Variants in STK3 observed in about 807,000 individuals in gnomAD.
STK3 encodes serine/threonine-protein kinase 3.
Under a neutral mutation model 58.0 loss-of-function variants are expected in STK3, and 41 were observed. The observed-to-expected ratio is 0.71, with a 90% CI of 0.55 to 0.92. The LOEUF (loss-of-function observed/expected upper bound fraction) is 0.92, where lower values mean the gene tolerates loss of function less well. Ranked by LOEUF, STK3 falls within the 40% of genes least tolerant of loss-of-function variation. The pLI is 0.00. For synonymous variants in STK3, 170 were observed against 191.0 expected (o/e 0.89, Z 0.91); for missense variants, 479 against 602.7 (o/e 0.79, Z 2.15).
chr8:98,774,621 T>A, intron 2 of STK3, 118 bp downstream of exon 2: 1 of 645,888 alleles, frequency 1.5e-6, no homozygotes, highest in Non-Finnish European at 2.4e-6. Flanking sequence ...CCAAGTTTAA[T>A]TACTATTAAA....
intron 1 of STK3, among the ~76,000 whole-genome samples, chr8:98,931,457 C>T (rs1840001304): frequency 6.6e-6 from 1 of 152,202 alleles, no homozygotes; most frequent in Non-Finnish European, 1.5e-5. Context: ...CCGGCCTGCG[C>T]CAGCCTGATC....
chr8:98,672,531 TAAAC>T (rs1010575261), intron 6 of STK3, among the ~76,000 whole-genome samples: 1 of 152,204 alleles, frequency 6.6e-6, no homozygotes, highest in Non-Finnish European at 1.5e-5. Context: ...GCTAATTACT[TAAAC>T]AACATCACCA....
At chr8:98,667,824 C>T (rs1229305671) in intron 6 of STK3, among the ~76,000 whole-genome samples, 1 of 151,942 alleles carries the variant, frequency 6.6e-6, no homozygotes, top group African/African-American at 2.4e-5. Context: ...GAACTACAAT[C>T]TTCAATGTTA....
chr8:98,379,935 G>A (rs577146458), intron 1 of STK3, among the ~76,000 whole-genome samples: 2 of 152,284 alleles, frequency 1.3e-5, no homozygotes, highest in East Asian at 1.9e-4. Flanking sequence ...AGAAAATGTG[G>A]TAATTACATA....
intron 4 of STK3, among the ~76,000 whole-genome samples, chr8:98,708,422 C>T (rs1301520592): frequency 6.6e-6 from 1 of 152,122 alleles, no homozygotes; most frequent in Non-Finnish European, 1.5e-5. Flanking sequence ...AATGCCACTC[C>T]TAACCCTTCC....
At chr8:98,665,707 A>ATT (rs373663162) in intron 6 of STK3, among the ~76,000 whole-genome samples, 25,991 of 138,764 alleles carry the variant, frequency 0.19, 3,015 homozygotes, top group East Asian at 0.43. Flanking sequence ...ACCCATCCTG[A>ATT]TTTTTTTTTT....
intron 6 of STK3, among the ~76,000 whole-genome samples, chr8:98,694,960 C>A (rs887275298): frequency 2.0e-5 from 3 of 152,186 alleles, no homozygotes; most frequent in Admixed American, 1.3e-4. Context: ...AGTTTACAGT[C>A]CCATCAACAG....
intron 4 of STK3, among the ~76,000 whole-genome samples, chr8:98,743,751 A>G (rs1829422441): frequency 6.6e-6 from 1 of 152,042 alleles, no homozygotes; most frequent in African/African-American, 2.4e-5. Context: ...TAATTAAACT[A>G]AAGAACTTCT....
At chr8:98,794,284 A>C (rs952593992) in intron 1 of STK3, among the ~76,000 whole-genome samples, 1 of 152,202 alleles carries the variant, frequency 6.6e-6, no homozygotes, top group Non-Finnish European at 1.5e-5. Flanking sequence ...AGATTAACAA[A>C]AGAAAAAAGA....
intron 6 of STK3, among the ~76,000 whole-genome samples, chr8:98,635,729 C>T (rs1047539431): frequency 6.6e-6 from 1 of 152,042 alleles, no homozygotes; most frequent in Non-Finnish European, 1.5e-5. Context: ...AACATCTGTA[C>T]ATTTTTAATC....
the STK3 span, among the ~76,000 whole-genome samples, chr8:98,353,812 T>C: frequency 1.3e-5 from 2 of 152,136 alleles, no homozygotes; most frequent in Non-Finnish European, 2.9e-5. Context: ...ATAATAGGTA[T>C]GGGTATAGAG....
intron 1 of STK3, among the ~76,000 whole-genome samples, chr8:98,785,445 G>A (rs1752539899): frequency 6.6e-6 from 1 of 152,162 alleles, no homozygotes; most frequent in African/African-American, 2.4e-5. Context: ...TACACCTCTG[G>A]GTGCTTGGTG....
At chr8:98,570,368 T>C (rs566598171) in intron 8 of STK3, among the ~76,000 whole-genome samples, 13 of 151,982 alleles carry the variant, frequency 8.6e-5, no homozygotes, top group South Asian at 4.1e-4. Context: ...CTTGAACACC[T>C]GGGCTCAAGC....
intron 6 of STK3, among the ~76,000 whole-genome samples, chr8:98,690,510 A>C (rs564055759): frequency 2.4e-4 from 36 of 152,020 alleles, no homozygotes; most frequent in Non-Finnish European, 4.0e-4. Flanking sequence ...GATCTCCACA[A>C]GGAGAACTAC....
intron 8 of STK3, among the ~76,000 whole-genome samples, chr8:98,557,928 G>A (rs1811725734): frequency 6.6e-6 from 1 of 152,046 alleles, no homozygotes; most frequent in Non-Finnish European, 1.5e-5. Flanking sequence ...AAAGGCATGT[G>A]GGCAGGACTT....
chr8:98,893,466 GAAAGAAAGAAAGAAAGAAAGAGAAAGAA>G (rs1838299670), intron 1 of STK3, among the ~76,000 whole-genome samples: 58 of 84,690 alleles, frequency 6.8e-4, no homozygotes, highest in East Asian at 2.3e-3. Context: ...AAGAAAGAAA[GAAAGAAAGAAAGAAAGAAAGAGAAAGAA>G]AGAAAGAAAG....
intron 9 of STK3, among the ~76,000 whole-genome samples, chr8:98,540,228 T>C (rs1810127308): frequency 6.6e-6 from 1 of 152,212 alleles, no homozygotes; most frequent in African/African-American, 2.4e-5. Context: ...TTTATTTCCT[T>C]GTTCTAAAAA....
chr8:98,901,729 C>G (rs886215214), intron 1 of STK3, among the ~76,000 whole-genome samples: 1 of 152,250 alleles, frequency 6.6e-6, no homozygotes, highest in Admixed American at 6.5e-5. Context: ...GGGATAGAGG[C>G]AGCTGGGGAG....
intron 3 of STK3, among the ~76,000 whole-genome samples, chr8:98,764,311 A>C (rs1382177715): frequency 5.9e-5 from 9 of 152,200 alleles, no homozygotes; most frequent in Admixed American, 1.3e-4. Context: ...GGGTTCCCTC[A>C]ATCTGTAATG....
Sources: allele counts gnomAD v4.1 joint callset (sites outside exome capture counted in the v4.1 genomes callset), GRCh38; gene constraint gnomAD v4.1.1; transcripts MANE v1.5; gene names NCBI Gene and HGNC (gene_info 2026-07-23, HGNC 2026-07-21).